Variants in ROBO2 observed in about 807,000 individuals in gnomAD.
ROBO2 encodes roundabout homolog 2.
ROBO2 carries 53 observed loss-of-function variants against 160.8 expected under a neutral mutation model. The observed-to-expected ratio is 0.33, with a 90% CI of 0.26 to 0.41. ROBO2 has a LOEUF of 0.41. Ranked by LOEUF, ROBO2 falls within the 10% of genes least tolerant of loss-of-function variation. The pLI is 1.00. For missense variants in ROBO2, 1,577 were observed against 1,722.4 expected (o/e 0.92, Z 1.49); for synonymous variants, 664 against 611.7 (o/e 1.09, Z -1.26).
chr3:77,239,530 C>G (rs2088638466), intron 2 of ROBO2, among the ~76,000 whole-genome samples: 1 of 152,162 alleles, frequency 6.6e-6, no homozygotes. Context: ...CCACTGCTGG[C>G]TCAGGCAGCC....
chr3:76,019,106 C>T (rs1016327546), intron 2 of ROBO2, among the ~76,000 whole-genome samples: 14 of 143,240 alleles, frequency 9.8e-5, no homozygotes, highest in African/African-American at 2.3e-4. Context: ...AAGTTCTGTG[C>T]GTATCTGCGA....
At chr3:77,606,219 G>GA (rs5850338) in intron 20 of ROBO2, among the ~76,000 whole-genome samples, 4 of 151,730 alleles carry the variant, frequency 2.6e-5, no homozygotes, top group African/African-American at 7.3e-5. Flanking sequence ...GGATATGGGG[G>GA]AAAAAAAAGA....
At chr3:77,544,097 A>G (rs1184027482) in intron 6 of ROBO2, among the ~76,000 whole-genome samples, 1 of 124,886 alleles carries the variant, frequency 8.0e-6, no homozygotes, top group Non-Finnish European at 1.7e-5. Flanking sequence ...GATGACGGAA[A>G]CAAACCTTAA....
chr3:77,390,142 G>A (rs1409001062), intron 2 of ROBO2, among the ~76,000 whole-genome samples: 1 of 152,164 alleles, frequency 6.6e-6, no homozygotes, highest in Non-Finnish European at 1.5e-5. Flanking sequence ...CTTAAGGCCA[G>A]TCCTTCCGCC....
chr3:76,697,219 A>G (rs1024896672), intron 2 of ROBO2, among the ~76,000 whole-genome samples: 49 of 152,192 alleles, frequency 3.2e-4, no homozygotes, highest in African/African-American at 1.2e-3. Flanking sequence ...ATTTACTTTC[A>G]TCGAAATATG....
intron 2 of ROBO2, among the ~76,000 whole-genome samples, chr3:76,043,161 C>A (rs754096148): frequency 6.6e-6 from 1 of 151,990 alleles, no homozygotes; most frequent in Non-Finnish European, 1.5e-5. Context: ...ACAGATGATT[C>A]TACATTTGTC....
chr3:76,692,062 AG>A (rs2092812789), intron 2 of ROBO2, among the ~76,000 whole-genome samples: 1 of 152,098 alleles, frequency 6.6e-6, no homozygotes, highest in Admixed American at 6.6e-5. Flanking sequence ...GAGATGAAGG[AG>A]GAGGAATTGG....
intron 2 of ROBO2, among the ~76,000 whole-genome samples, chr3:76,493,592 A>G (rs774089794): frequency 3.6e-4 from 54 of 151,944 alleles, no homozygotes; most frequent in Non-Finnish European, 6.5e-4. Context: ...TTCAAATTTT[A>G]TATCTTTATG....
At chr3:77,164,642 G>A (rs1359835320) in intron 2 of ROBO2, among the ~76,000 whole-genome samples, 22 of 92,940 alleles carry the variant, frequency 2.4e-4, no homozygotes, top group African/African-American at 6.8e-4. Context: ...CCGGCCAGCC[G>A]CCCCGTCCGG....
chr3:77,286,606 T>C (rs2060619665), intron 2 of ROBO2, among the ~76,000 whole-genome samples: 1 of 152,146 alleles, frequency 6.6e-6, no homozygotes, highest in South Asian at 2.1e-4. Flanking sequence ...AATTGCCTTC[T>C]TTACATCATC....
chr3:77,344,814 T>A (rs2067454697), intron 2 of ROBO2, among the ~76,000 whole-genome samples: 1 of 152,112 alleles, frequency 6.6e-6, no homozygotes, highest in Admixed American at 6.6e-5. Context: ...TATGTACCTT[T>A]GAAAATAATA....
At chr3:76,650,888 A>G (rs1351595407) in intron 2 of ROBO2, among the ~76,000 whole-genome samples, 6 of 152,230 alleles carry the variant, frequency 3.9e-5, no homozygotes, top group Non-Finnish European at 4.4e-5. Flanking sequence ...AATAGTAGCT[A>G]AAGTGTAGTA....
At chr3:76,122,467 T>G (rs921437091) in intron 2 of ROBO2, among the ~76,000 whole-genome samples, 1 of 152,158 alleles carries the variant, frequency 6.6e-6, no homozygotes, top group Non-Finnish European at 1.5e-5. Context: ...TTTTATTTGT[T>G]GTTATGAATA....
At chr3:76,993,674 C>T (rs937964143) in intron 2 of ROBO2, among the ~76,000 whole-genome samples, 2 of 152,080 alleles carry the variant, frequency 1.3e-5, no homozygotes, top group African/African-American at 4.8e-5. Flanking sequence ...AGGAAAGTTA[C>T]ATACCATACT....
chr3:76,031,597 C>T (rs17469944), intron 2 of ROBO2, among the ~76,000 whole-genome samples: 2 of 152,062 alleles, frequency 1.3e-5, no homozygotes, highest in Admixed American at 1.3e-4. Context: ...TGTCAAAGGC[C>T]TTTTCTGAAT....
At chr3:77,118,935 G>T (rs972745944) in intron 2 of ROBO2, among the ~76,000 whole-genome samples, 1 of 152,052 alleles carries the variant, frequency 6.6e-6, no homozygotes, top group Non-Finnish European at 1.5e-5. Flanking sequence ...ATATGATTTG[G>T]CTCTGTGTCG....
At chr3:76,501,417 GA>G (rs1436574929) in intron 2 of ROBO2, among the ~76,000 whole-genome samples, 1 of 152,148 alleles carries the variant, frequency 6.6e-6, no homozygotes, top group African/African-American at 2.4e-5. Flanking sequence ...ATCCGAGTCA[GA>G]AATGATGGTA....
chr3:76,275,714 G>A (rs1707879161), intron 2 of ROBO2, among the ~76,000 whole-genome samples: 1 of 152,010 alleles, frequency 6.6e-6, no homozygotes. Context: ...CCTACTTTCT[G>A]GGCATTCTGC....
intron 2 of ROBO2, among the ~76,000 whole-genome samples, chr3:76,401,379 A>C (rs899230617): frequency 6.6e-6 from 1 of 151,554 alleles, no homozygotes; most frequent in African/African-American, 2.4e-5. Context: ...CTTGTGTTTA[A>C]ATCATTTTCC....
Sources: gnomAD v4.1 joint callset for allele counts (sites outside exome capture counted in the v4.1 genomes callset) on GRCh38, gnomAD v4.1.1 for gene constraint, MANE v1.5 for transcripts, NCBI Gene and HGNC (gene_info 2026-07-23, HGNC 2026-07-21) for gene names.